Variants in CSMD1 observed in about 807,000 individuals in gnomAD.
CSMD1 encodes CUB and sushi domain-containing protein 1.
In CSMD1, 213 loss-of-function variants were observed where a neutral mutation model predicts 417.5. That is an observed-to-expected ratio of 0.51 (90% confidence interval 0.46 to 0.57). The LOEUF is 0.57. Ranked by LOEUF, CSMD1 falls within the 20% of genes least tolerant of loss-of-function variation. CSMD1 has a pLI of 0.00. For missense variants in CSMD1, 6,923 were observed against 4,529.7 expected, an observed-to-expected ratio of 1.53 and a Z score of -15.17; for synonymous variants, 2,862 against 1,736.8, an observed-to-expected ratio of 1.65 and a Z score of -16.11.
chr8:3,900,893 T>G lies in CSMD1; in HGVS notation c.818+97010A>C, dbSNP rs912373461. 3.9e-5 allele frequency among the ~76,000 whole-genome samples: 6 copies of G among 152,246 alleles called. No homozygotes were observed. In the East Asian group the frequency reaches 1.2e-3, roughly 29 times the overall value. ...CTGCATGCCGTGCTCAGGCGTTTGC[T>G]TGATCTGAGTCCTCGTGCATCCAAA... is the stretch of plus-strand genomic sequence containing the variant. On this transcript the variant is annotated intron_variant, in intron 5 of 69. Transcript: ENST00000635120.
At chr8:4,396,644 A>G (rs1459019328) in intron 3 of CSMD1, among the ~76,000 whole-genome samples, 1 of 148,182 alleles carries the variant, frequency 6.7e-6, no homozygotes, top group African/African-American at 2.5e-5. Context: ...CACACACATA[A>G]ATATCTATAT....
chr8:3,055,751 A>G (rs1812172402), intron 49 of CSMD1, among the ~76,000 whole-genome samples: 1 of 152,212 alleles, frequency 6.6e-6, no homozygotes, highest in Non-Finnish European at 1.5e-5. Context: ...GCTTAGGCGA[A>G]TAATCATTTA....
chr8:3,920,912 C>A (rs942105752), intron 5 of CSMD1, among the ~76,000 whole-genome samples: 30 of 152,226 alleles, frequency 2.0e-4, no homozygotes, highest in Non-Finnish European at 2.9e-5. Context: ...ATTTTGATTA[C>A]AGACATTGGC....
chr8:4,885,474 A>G (rs1327448589), intron 1 of CSMD1, among the ~76,000 whole-genome samples: 1 of 152,028 alleles, frequency 6.6e-6, no homozygotes, highest in Non-Finnish European at 1.5e-5. Context: ...TGCAATTTTC[A>G]TAAATGTCCT....
chr8:3,257,472 T>C (rs964844429), intron 26 of CSMD1, among the ~76,000 whole-genome samples: 1 of 152,054 alleles, frequency 6.6e-6, no homozygotes, highest in Admixed American at 6.5e-5. Flanking sequence ...AAGTAATAAA[T>C]GAAATATTAT....
chr8:4,481,866 G>A (rs1158250399), intron 2 of CSMD1, among the ~76,000 whole-genome samples: 2 of 152,082 alleles, frequency 1.3e-5, no homozygotes, highest in African/African-American at 4.8e-5. Context: ...TTAGAAGTCA[G>A]GAAACTGTAG....
chr8:4,857,747 G>A (rs547995822), intron 1 of CSMD1, among the ~76,000 whole-genome samples: 2 of 152,044 alleles, frequency 1.3e-5, no homozygotes, highest in African/African-American at 4.8e-5. Flanking sequence ...ACCAATAACA[G>A]GATCTGAAAT....
At chr8:3,114,295 C>T (rs1439875223) in intron 42 of CSMD1, among the ~76,000 whole-genome samples, 2 of 151,780 alleles carry the variant, frequency 1.3e-5, no homozygotes, top group Non-Finnish European at 1.5e-5. Flanking sequence ...AAACCTTGAA[C>T]GTTTGCTAAG....
At chr8:3,624,819 A>C (rs1363368331) in intron 7 of CSMD1, among the ~76,000 whole-genome samples, 1 of 152,188 alleles carries the variant, frequency 6.6e-6, no homozygotes, top group Non-Finnish European at 1.5e-5. Context: ...TTGTAGACTC[A>C]GTATTATCTC....
intron 4 of CSMD1, among the ~76,000 whole-genome samples, chr8:4,031,179 G>T (rs142710567): frequency 6.6e-6 from 1 of 152,014 alleles, no homozygotes; most frequent in Non-Finnish European, 1.5e-5. Flanking sequence ...ACATCTTTTG[G>T]TATCTTTTCA....
chr8:3,754,334 C>G (rs1280916775), intron 5 of CSMD1, among the ~76,000 whole-genome samples: 1 of 151,978 alleles, frequency 6.6e-6, no homozygotes, highest in South Asian at 2.1e-4. Flanking sequence ...TCTCTTAGTT[C>G]TTTTCATCAA....
chr8:3,301,389 G>A (rs560800442), intron 25 of CSMD1, among the ~76,000 whole-genome samples: 73 of 152,204 alleles, frequency 4.8e-4, no homozygotes, highest in African/African-American at 1.5e-3. Flanking sequence ...GGGAGCTAGT[G>A]AAACTTGCCC....
At chr8:4,708,160 G>C (rs376811915) in intron 1 of CSMD1, among the ~76,000 whole-genome samples, 3 of 151,812 alleles carry the variant, frequency 2.0e-5, no homozygotes, top group African/African-American at 7.3e-5. Context: ...TTGCTATGTC[G>C]ACCAGGCTGG....
intron 39 of CSMD1, among the ~76,000 whole-genome samples, chr8:3,157,227 C>A (rs1215874465): frequency 6.6e-6 from 1 of 151,962 alleles, no homozygotes; most frequent in African/African-American, 2.4e-5. Context: ...AAGCTGGGGG[C>A]CTGAATGATG....
chr8:4,163,200 G>C (rs1422201160), intron 3 of CSMD1, among the ~76,000 whole-genome samples: 1 of 152,154 alleles, frequency 6.6e-6, no homozygotes, highest in Non-Finnish European at 1.5e-5. Flanking sequence ...AACATCCCTT[G>C]GCAGGTTTTT....
At chr8:3,861,944 T>C (rs935298495) in intron 5 of CSMD1, among the ~76,000 whole-genome samples, 2 of 152,180 alleles carry the variant, frequency 1.3e-5, no homozygotes, top group Non-Finnish European at 2.9e-5. Flanking sequence ...AGTCAATCTT[T>C]GTACCCTGGT....
At chr8:4,449,588 A>G (rs1462942845) in intron 2 of CSMD1, among the ~76,000 whole-genome samples, 1 of 152,198 alleles carries the variant, frequency 6.6e-6, no homozygotes, top group Non-Finnish European at 1.5e-5. Flanking sequence ...CATTCCCATA[A>G]TAGAGATAAT....
chr8:4,931,215 C>G (rs1011758669), intron 1 of CSMD1, among the ~76,000 whole-genome samples: 1 of 152,102 alleles, frequency 6.6e-6, no homozygotes, highest in African/African-American at 2.4e-5. Context: ...ATAACTCACT[C>G]CCCTTTTTTT....
At chr8:4,925,798 C>A (rs557547802) in intron 1 of CSMD1, among the ~76,000 whole-genome samples, 4 of 152,122 alleles carry the variant, frequency 2.6e-5, no homozygotes, top group Non-Finnish European at 5.9e-5. Context: ...CCGCCCTCCT[C>A]GGCCTCCCAA....
Sources: gnomAD v4.1 joint callset for allele counts (sites outside exome capture counted in the v4.1 genomes callset) on GRCh38, gnomAD v4.1.1 for gene constraint, MANE v1.5 for transcripts, NCBI Gene and HGNC (gene_info 2026-07-23, HGNC 2026-07-21) for gene names.